Variants in VAPA observed in about 807,000 individuals in gnomAD.
VAPA encodes the protein VAMP associated protein A.
VAPA carries 6 observed loss-of-function variants against 25.6 expected under a neutral mutation model. The ratio of observed to expected loss-of-function variants is 0.23; its 90% CI spans 0.13 to 0.46. The LOEUF (loss-of-function observed/expected upper bound fraction) is 0.46, where lower values mean the gene tolerates loss of function less well. Ranked by LOEUF, VAPA falls within the 20% of genes least tolerant of loss-of-function variation. The pLI is 0.99. For missense variants in VAPA, 244 were observed against 302.1 expected (o/e 0.81, Z 1.43); for synonymous variants, 112 against 106.2 (o/e 1.05, Z -0.34).
At chr18:9,923,857 C>T (rs1393049521) in intron 1 of VAPA, 4 of 152,292 alleles carry the variant, frequency 2.6e-5, no homozygotes, top group African/African-American at 9.7e-5. Flanking sequence ...GTTTAAAAGT[C>T]CCTTGTTATA....
intron 3 of VAPA, 29 bp downstream of exon 3, chr18:9,936,242 G>T (rs764624879): frequency 6.8e-7 from 1 of 1,479,422 alleles, no homozygotes; most frequent in East Asian, 2.4e-5. Context: ...TTTGTTTTGG[G>T]AAGTGGAGTT....
intron 3 of VAPA, 104 bp downstream of exon 3, chr18:9,936,317 T>G (rs997512745): frequency 3.0e-5 from 21 of 705,986 alleles, no homozygotes; most frequent in Non-Finnish European, 4.4e-5. Flanking sequence ...AAAGTTAAAT[T>G]TAGGTTTTTA....
At chr18:9,941,304 C>T (rs2069364329) in intron 4 of VAPA, among the ~76,000 whole-genome samples, 2 of 152,012 alleles carry the variant, frequency 1.3e-5, no homozygotes, top group Admixed American at 1.3e-4. Flanking sequence ...TGGCACAGAC[C>T]CAACTCCATC....
At chr18:9,941,638 T>C (rs2069367387) in intron 4 of VAPA, among the ~76,000 whole-genome samples, 1 of 152,214 alleles carries the variant, frequency 6.6e-6, no homozygotes, top group African/African-American at 2.4e-5. Context: ...TTGGTTTCTT[T>C]CTAGTATCTG....
intron 4 of VAPA, among the ~76,000 whole-genome samples, chr18:9,944,050 A>G (rs2069395578): frequency 6.6e-6 from 1 of 151,108 alleles, no homozygotes; most frequent in Non-Finnish European, 1.5e-5. Flanking sequence ...TTTAGTAGAG[A>G]CAGGGTTTCA....
In VAPA at chr18:9,955,093, A is replaced by G. The variant is rs1328716001; in HGVS notation, c.*882A>G. ...ATGTGATTTCAGTGAGTTGATGTGT[A>G]CAGCATGGCTGTGCTCCATCTGATT... On this transcript the variant is annotated 3_prime_UTR_variant, in exon 6 of 6. Coordinates refer to ENST00000400000, the MANE Select transcript of VAPA (RefSeq NM_194434.3). 2.0e-5 allele frequency: 3 copies of G among 152,246 alleles called. No homozygotes were observed. The highest frequency in any genetic ancestry group is 6.5e-5 in the Admixed American group (1 of 15,282). The allele number at this position is 152,246 out of a possible 1,614,324, so 9.4% of individuals were successfully genotyped here.
At chr18:9,951,571 G>T (rs941392067) in intron 5 of VAPA, among the ~76,000 whole-genome samples, 5 of 152,208 alleles carry the variant, frequency 3.3e-5, no homozygotes, top group African/African-American at 1.2e-4. Context: ...AAGGAGGACT[G>T]ATTTGAATAT....
rs2069587791 is a variant in VAPA, at chr18:9,959,799, TAAG to T, written c.*5591_*5593del. The T allele has an allele frequency of 6.8e-6, 1 of 147,078 alleles. No individual in the cohort carries two copies. The highest frequency in any genetic ancestry group is 2.5e-5 in the African/African-American group (1 of 39,732). 9.1% of individuals were successfully genotyped at this position (147,078 alleles called of 1,614,324 possible). ...TGGAATCTTTTGTATTTTCGAGCAA[TAAG>T]AATTCCTATTCTTGTTTCAAATAGA... is the stretch of plus-strand genomic sequence containing the variant. On this transcript the variant is annotated 3_prime_UTR_variant, in exon 6 of 6. Transcript: ENST00000400000.
chr18:9,951,718 A>G (rs2069492137), intron 5 of VAPA, among the ~76,000 whole-genome samples: 1 of 152,244 alleles, frequency 6.6e-6, no homozygotes, highest in African/African-American at 2.4e-5. Context: ...TGTAACTAAA[A>G]TAAGCTAAAT....
intron 5 of VAPA, among the ~76,000 whole-genome samples, chr18:9,953,649 T>TA (rs915234864): frequency 3.3e-5 from 5 of 152,282 alleles, no homozygotes; most frequent in African/African-American, 9.6e-5. Context: ...TGATTTTAAA[T>TA]ACCATGGGCC....
chr18:9,934,950 CCGGG>C, intron 2 of VAPA, among the ~76,000 whole-genome samples: 2 of 152,010 alleles, frequency 1.3e-5, no homozygotes, highest in South Asian at 4.2e-4. Flanking sequence ...AAAAAATTAG[CCGGG>C]CATGGTGGCA....
In VAPA at chr18:9,957,031, ATTCT is replaced by A. The variant is rs1313063546; in HGVS notation, c.*2827_*2830del. ...CAGAAATTCCGATCAAAGAAAAGTA[ATTCT>A]TTCTTTTTTTTTTTGAGACAGAGTC... On this transcript the variant is annotated 3_prime_UTR_variant, in exon 6 of 6. Transcript: ENST00000400000. 1 of 135,340 alleles carries A rather than the reference ATTCT, an allele frequency of 7.4e-6. No homozygotes were observed. The highest frequency in any genetic ancestry group is 1.7e-5 in the Non-Finnish European group (1 of 60,010). The allele number at this position is 135,340 out of a possible 1,614,324, so 8.4% of individuals were successfully genotyped here. A position where few individuals can be genotyped will look rare whatever the true frequency, so the allele number is the denominator to read the frequency against.
intron 4 of VAPA, among the ~76,000 whole-genome samples, chr18:9,938,194 TA>T (rs886579872): frequency 1.8e-4 from 28 of 152,030 alleles, no homozygotes; most frequent in South Asian, 1.0e-3. Flanking sequence ...ATTGACTTTT[TA>T]AAAAAAAATT....
intron 4 of VAPA, chr18:9,948,166 C>G (rs139972222): frequency 6.6e-6 from 1 of 152,130 alleles, no homozygotes; most frequent in Admixed American, 6.6e-5. Context: ...ACAAAAAAAT[C>G]TAATTCTATT....
At chr18:9,936,271 T>C (rs955137278) in intron 3 of VAPA, 58 bp downstream of exon 3, 15 of 1,084,816 alleles carry the variant, frequency 1.4e-5, no homozygotes, top group Non-Finnish European at 1.9e-5. Flanking sequence ...GGGTGTTGTT[T>C]AGCAGTCAGT....
chr18:9,932,027 TTA>T, intron 2 of VAPA, 65 bp downstream of exon 2: 5 of 1,223,684 alleles, frequency 4.1e-6, no homozygotes, highest in Non-Finnish European at 5.8e-6. Context: ...ATGTTTTTGT[TTA>T]ATAAGGTTTC....
At chr18:9,919,149 C>T (rs551461579) in intron 1 of VAPA, among the ~76,000 whole-genome samples, 10 of 152,170 alleles carry the variant, frequency 6.6e-5, no homozygotes, top group Non-Finnish European at 1.3e-4. Context: ...TCCTAAAGTG[C>T]TGGGATTACA....
chr18:9,931,500 C>T (rs29162), intron 1 of VAPA, among the ~76,000 whole-genome samples: 38,139 of 151,908 alleles, frequency 0.25, 5,339 homozygotes, highest in Middle Eastern at 0.33. Flanking sequence ...TTTTCAGCAA[C>T]GTATTAACAA....
rs1599091910 is a variant in VAPA at position 9,914,166 on chromosome 18, G to A, written c.-91G>A. On this transcript the variant is annotated 5_prime_UTR_variant, in exon 1 of 6. Coordinates refer to ENST00000400000, the MANE Select transcript of VAPA (RefSeq NM_194434.3). The stretch of plus-strand genomic sequence containing the variant: ...GAGCCGCGAGCCTGGCCTCGTCCTA[G>A]AGCTCGGCCGAGCCGTCGCCGCCGT... The A allele has an allele frequency of 8.3e-7, 1 of 1,199,034 alleles. No homozygotes were observed. Among genetic ancestry groups the A allele is most frequent in the Non-Finnish European group, 1.2e-6 (1 of 861,420 alleles). 74.3% of individuals were successfully genotyped at this position (1,199,034 alleles called of 1,614,324 possible).
Sources: allele counts gnomAD v4.1 joint callset (sites outside exome capture counted in the v4.1 genomes callset), GRCh38; gene constraint gnomAD v4.1.1; transcripts MANE v1.5; gene names NCBI Gene and HGNC (gene_info 2026-07-23, HGNC 2026-07-21).